The following AGBL1 variants were observed in gnomAD, a reference collection of about 807,000 sequenced individuals.
AGBL1 encodes the protein cytosolic carboxypeptidase 4.
A neutral mutation model predicts 118.9 loss-of-function variants in AGBL1; 130 were observed. The ratio of observed to expected loss-of-function variants is 1.09; its 90% CI spans 0.95 to 1.26. The LOEUF is 1.26. AGBL1 is among the 50% of genes most tolerant of loss of function. AGBL1 has a pLI of 0.00. For missense variants in AGBL1, 1,584 were observed against 1,298.1 expected (o/e 1.22, Z -3.38); for synonymous variants, 555 against 478.9 (o/e 1.16, Z -2.08).
At chr15:86,851,933 T>G (rs1259010041) in intron 22 of AGBL1, among the ~76,000 whole-genome samples, 1 of 152,190 alleles carries the variant, frequency 6.6e-6, no homozygotes, top group Non-Finnish European at 1.5e-5. Context: ...GTTTTTATTT[T>G]TTATTTTTTA....
rs1272580766 is a variant in AGBL1 at position 86,850,280 on chromosome 15, C to T, written c.3159-56807C>T. ...TATGGACATTACTTATTCATTTCTT[C>T]ATCCATTATTTTATTAAAAAGTGTC... is the stretch of plus-strand genomic sequence containing the variant. On this transcript the variant is annotated intron_variant, in intron 22 of 22. Transcript: ENST00000614907. 2.8e-5 allele frequency among the ~76,000 whole-genome samples: 3 copies of T among 106,184 alleles called. No homozygotes were observed. The Admixed American group carries it at 3.0e-4, about 10-fold the overall frequency. The allele number at this position is 106,184 out of a possible 152,430, so 69.7% of individuals were successfully genotyped here.
At chr15:86,103,413 T>A (rs1170914990) in intron 1 of AGBL1, among the ~76,000 whole-genome samples, 1 of 152,224 alleles carries the variant, frequency 6.6e-6, no homozygotes, top group Non-Finnish European at 1.5e-5. Context: ...CGTGTTTCCT[T>A]GCTTTTTCAT....
At chr15:86,208,819 T>C (rs1033788888) in intron 5 of AGBL1, among the ~76,000 whole-genome samples, 2 of 152,202 alleles carry the variant, frequency 1.3e-5, no homozygotes, top group African/African-American at 4.8e-5. Context: ...CTCTATCTCC[T>C]TCGGTTCTGC....
chr15:86,386,053 TC>T (rs1215789507), intron 17 of AGBL1, among the ~76,000 whole-genome samples: 1 of 28 alleles, frequency 0.036, no homozygotes, highest in Non-Finnish European at 0.062. Context: ...TCTCTCCCCC[TC>T]CCCCTCCTCC....
At chr15:86,246,888 C>G (rs925032603) in intron 6 of AGBL1, among the ~76,000 whole-genome samples, 24 of 135,532 alleles carry the variant, frequency 1.8e-4, no homozygotes, top group African/African-American at 6.6e-4. Context: ...CAGCTCAACC[C>G]AAATGACAAC....
chr15:86,902,872 C>T lies in AGBL1; in HGVS notation c.3159-4215C>T, dbSNP rs116350635. ...TTAGTTGAAGAAGATTAGCTATCAT[C>T]TGTCTTTGCCTTGATTTCTTTGGCT... On this transcript the variant is annotated intron_variant, in intron 22 of 22. Coordinates refer to ENST00000614907, the MANE Select transcript of AGBL1 (RefSeq NM_001386094.1). 9.7e-3 allele frequency among the ~76,000 whole-genome samples: 1,479 copies of T among 152,264 alleles called. 23 individuals carry two copies. Among genetic ancestry groups the T allele is most frequent in the African/African-American group, 0.033 (1,383 of 41,560 alleles).
At chr15:86,574,708 C>A (rs1405653932) in intron 21 of AGBL1, among the ~76,000 whole-genome samples, 1 of 149,650 alleles carries the variant, frequency 6.7e-6, no homozygotes, top group Non-Finnish European at 1.5e-5. Context: ...CTCCTGAGTA[C>A]CTGGGACTAC....
intron 18 of AGBL1, among the ~76,000 whole-genome samples, chr15:86,454,990 G>A (rs545234209): frequency 1.3e-5 from 2 of 152,216 alleles, no homozygotes; most frequent in East Asian, 3.9e-4. Context: ...CTGTCTACAG[G>A]CAGACTATTG....
intron 6 of AGBL1, among the ~76,000 whole-genome samples, 158 bp downstream of exon 6, chr15:86,225,109 A>G (rs2078341342): frequency 6.6e-6 from 1 of 150,628 alleles, no homozygotes; most frequent in African/African-American, 2.4e-5. Context: ...TGATAAAGTC[A>G]TGTCGTGGGT....
At chr15:86,390,584 AT>A (rs1365054946) in intron 17 of AGBL1, among the ~76,000 whole-genome samples, 4 of 151,932 alleles carry the variant, frequency 2.6e-5, no homozygotes, top group African/African-American at 9.7e-5. Flanking sequence ...TTACTGATGC[AT>A]CCAACAACAT....
rs1194332275 is a variant in AGBL1, at chr15:86,909,879, T to C, written c.*2585T>C. The C allele has an allele frequency of 6.6e-6, 1 of 152,214 alleles. No homozygotes were observed. The highest frequency in any genetic ancestry group is 1.5e-5 in the Non-Finnish European group (1 of 68,040). 9.4% of individuals were successfully genotyped at this position (152,214 alleles called of 1,614,324 possible). ...TCTTAAAAAACGTGACCATGACAGA[T>C]AAGTTTTTATGTGGCATGTTCAGAA... On this transcript the variant is annotated 3_prime_UTR_variant, in exon 23 of 23. Coordinates refer to ENST00000614907, the MANE Select transcript of AGBL1 (RefSeq NM_001386094.1).
chr15:86,424,795 A>T lies in AGBL1; in HGVS notation c.2555+27249A>T, dbSNP rs2081843622. Among the ~76,000 whole-genome samples the T allele has an allele frequency of 1.3e-5, 2 of 152,266 alleles. 1 individual carries two copies. Among genetic ancestry groups the T allele is most frequent in the South Asian group, 4.1e-4 (2 of 4,832 alleles). The stretch of plus-strand genomic sequence containing the variant: ...CCAACAAACATATGAAGAAAAGCTC[A>T]TCATCACTGGTCATTAGAGAAATGC... On this transcript the variant is annotated intron_variant, in intron 18 of 22. Coordinates refer to ENST00000614907, the MANE Select transcript of AGBL1 (RefSeq NM_001386094.1).
At chr15:86,780,877 T>C (rs922391322) in intron 22 of AGBL1, among the ~76,000 whole-genome samples, 1 of 151,996 alleles carries the variant, frequency 6.6e-6, no homozygotes, top group East Asian at 1.9e-4. Context: ...CATGTTTGCC[T>C]GTCTGATTTT....
intron 18 of AGBL1, among the ~76,000 whole-genome samples, chr15:86,471,206 T>C (rs1355161592): frequency 1.3e-5 from 2 of 152,168 alleles, no homozygotes; most frequent in African/African-American, 4.8e-5. Flanking sequence ...TTTTTAATAT[T>C]AAGATAGTTT....
intron 18 of AGBL1, among the ~76,000 whole-genome samples, chr15:86,405,020 G>A (rs760479822): frequency 7.9e-5 from 12 of 152,314 alleles, no homozygotes; most frequent in African/African-American, 2.2e-4. Context: ...GGGGGTCCCC[G>A]TAGGTCATAG....
intron 6 of AGBL1, among the ~76,000 whole-genome samples, chr15:86,235,722 G>C (rs909076998): frequency 3.3e-5 from 5 of 152,186 alleles, no homozygotes; most frequent in East Asian, 1.9e-4. Flanking sequence ...TGTCAGACGG[G>C]TAAATATTTA....
At chr15:86,674,206 A>T (rs1333768276) in intron 21 of AGBL1, 67 bp from the exon 22 acceptor site, 2 of 1,461,958 alleles carry the variant, frequency 1.4e-6, no homozygotes, top group African/African-American at 2.8e-5. Flanking sequence ...CTTCTTCCTA[A>T]TTTCAAAGTG....
intron 18 of AGBL1, among the ~76,000 whole-genome samples, chr15:86,433,505 T>C (rs2081965178): frequency 6.6e-6 from 1 of 152,102 alleles, no homozygotes; most frequent in South Asian, 2.1e-4. Context: ...AGAAAACCAG[T>C]TGCTCCCAAA....
At chr15:86,484,607 G>C (rs188647398) in intron 18 of AGBL1, among the ~76,000 whole-genome samples, 204 of 152,136 alleles carry the variant, frequency 1.3e-3, no homozygotes, top group Middle Eastern at 6.8e-3. Context: ...GGTGCATTTA[G>C]TTCGCCTAAG....
Sources: allele counts gnomAD v4.1 joint callset (sites outside exome capture counted in the v4.1 genomes callset), GRCh38; gene constraint gnomAD v4.1.1; transcripts MANE v1.5; gene names NCBI Gene and HGNC (gene_info 2026-07-23, HGNC 2026-07-21).